SYNE2: variants seen among roughly 807,000 people sequenced by gnomAD.
SYNE2 encodes spectrin repeat containing nuclear envelope protein 2, also known as nesprin-2.
SYNE2 carries 431 observed loss-of-function variants against 856.3 expected under a neutral mutation model. The ratio of observed to expected loss-of-function variants is 0.50; its 90% CI spans 0.47 to 0.55. The LOEUF (loss-of-function observed/expected upper bound fraction) is 0.55. SYNE2 is among the 20% of genes least tolerant of loss of function. SYNE2 has a pLI of 0.00. For missense variants in SYNE2, 8,129 were observed against 8,023.2 expected (o/e 1.01, Z -0.50); for synonymous variants, 2,923 against 2,872.3 (o/e 1.02, Z -0.56).
intron 66 of SYNE2, among the ~76,000 whole-genome samples, chr14:64,116,428 C>CT (rs980420194): frequency 7.9e-5 from 12 of 151,370 alleles, no homozygotes; most frequent in South Asian, 2.1e-4. Context: ...AGTACCATTA[C>CT]TTTTTTTTTG....
At chr14:63,952,246 C>T (rs554817844) in intron 7 of SYNE2, among the ~76,000 whole-genome samples, 1 of 152,298 alleles carries the variant, frequency 6.6e-6, no homozygotes, top group Admixed American at 6.5e-5. Flanking sequence ...AGCTGACCTA[C>T]ACAGTATTAA....
At chr14:64,104,058 T>G (rs74915869) in intron 64 of SYNE2, among the ~76,000 whole-genome samples, 7 of 152,214 alleles carry the variant, frequency 4.6e-5, no homozygotes, top group African/African-American at 7.2e-5. Flanking sequence ...TATGGTACTT[T>G]AATGAACTGA....
intron 1 of SYNE2, among the ~76,000 whole-genome samples, chr14:63,868,286 G>A (rs1015413052): frequency 6.6e-6 from 1 of 151,934 alleles, no homozygotes; most frequent in East Asian, 1.9e-4. Context: ...CCAAGCCTGA[G>A]TAACATGGCA....
At chr14:64,144,674 A>T (rs1267490031) in intron 83 of SYNE2, among the ~76,000 whole-genome samples, 2 of 152,228 alleles carry the variant, frequency 1.3e-5, no homozygotes, top group Non-Finnish European at 2.9e-5. Context: ...ATTGCTGATA[A>T]TGGCTTAAGT....
intron 1 of SYNE2, among the ~76,000 whole-genome samples, chr14:63,887,690 T>C (rs534793781): frequency 6.6e-6 from 1 of 151,974 alleles, no homozygotes; most frequent in South Asian, 2.1e-4. Flanking sequence ...ATTTGAAATA[T>C]GCTTTAATAT....
chr14:63,941,417 A>T (rs2184292), intron 3 of SYNE2, among the ~76,000 whole-genome samples: 1 of 152,036 alleles, frequency 6.6e-6, no homozygotes, highest in African/African-American at 2.4e-5. Flanking sequence ...TGATTCTAAA[A>T]GTCTTTAATG....
In SYNE2 at chr14:63,809,048, G is replaced by A. The variant is rs116804914; in HGVS notation, c.-304-43453G>A. On this transcript the variant is annotated intron_variant, in intron 1 of 23. Transcript: ENST00000674003. ...CAAAAATGAACAAACAAACGAGAAA[G>A]TGGAGAGGCCCGGAGGTCACACTGA... is the stretch of plus-strand genomic sequence containing the variant. 4.6e-3 allele frequency among the ~76,000 whole-genome samples: 705 copies of A among 152,172 alleles called. 4 individuals carry two copies. Among genetic ancestry groups the A allele is most frequent in the African/African-American group, 0.016 (656 of 41,540 alleles).
At chr14:63,993,374 G>A (rs980551327) in intron 21 of SYNE2, among the ~76,000 whole-genome samples, 3 of 152,084 alleles carry the variant, frequency 2.0e-5, no homozygotes, top group Non-Finnish European at 1.5e-5. Context: ...GACAGATCGC[G>A]ATCCTATCTC....
intron 89 of SYNE2, among the ~76,000 whole-genome samples, chr14:64,164,780 G>A (rs1266455654): frequency 6.6e-6 from 1 of 152,106 alleles, no homozygotes; most frequent in Non-Finnish European, 1.5e-5. Context: ...AAAATCAGGG[G>A]GCTTCTGAAT....
chr14:63,769,393 G>A (rs963173915), intron 1 of SYNE2, among the ~76,000 whole-genome samples: 2 of 152,166 alleles, frequency 1.3e-5, no homozygotes, highest in African/African-American at 4.8e-5. Flanking sequence ...TGGAGACCAG[G>A]CACAGTGGCT....
chr14:64,205,888 CTAAT>C (rs1264915869), intron 100 of SYNE2, among the ~76,000 whole-genome samples: 2 of 152,052 alleles, frequency 1.3e-5, no homozygotes, highest in African/African-American at 2.4e-5. Context: ...CTTCCACTGG[CTAAT>C]TAATAGCCCC....
intron 1 of SYNE2, among the ~76,000 whole-genome samples, chr14:63,876,907 C>CCGTG (rs1170406083): frequency 3.9e-5 from 6 of 152,134 alleles, no homozygotes; most frequent in African/African-American, 1.4e-4. Flanking sequence ...AAACCACTGT[C>CCGTG]CGTGGATACT....
At chr14:64,210,512 C>A (rs372639155) in intron 103 of SYNE2, among the ~76,000 whole-genome samples, 2 of 152,206 alleles carry the variant, frequency 1.3e-5, no homozygotes, top group East Asian at 1.9e-4. Flanking sequence ...TGGGACCCCC[C>A]CCAGCTCTCG....
chr14:63,858,654 T>C (rs1892605303), intron 1 of SYNE2, among the ~76,000 whole-genome samples: 1 of 152,168 alleles, frequency 6.6e-6, no homozygotes, highest in East Asian at 1.9e-4. Flanking sequence ...AGAGCCCTTA[T>C]AACCTATCAC....
In SYNE2 at chr14:64,053,089, A is replaced by C. The variant is rs1163675864; in HGVS notation, c.9176A>C (p.Asp3059Ala). The C allele has an allele frequency of 6.8e-6, 11 of 1,613,968 alleles. No individual in the cohort carries two copies. The highest frequency in any genetic ancestry group is 8.5e-6 in the Non-Finnish European group (10 of 1,180,006). Residue 3059 changes from aspartate (D) to alanine (A), a missense_variant, in exon 48 of 116, where the codon GAT becomes GCT. Physicochemically the swap from Asp to Ala is moderately radical, Grantham distance 126. Around this residue, in one of 3 missense-constraint regions of SYNE2, gnomAD observed 5,410 missense variants for 5,284.8 expected, o/e 1.02. Transcript: ENST00000555002. ...QALLSKMRAI[D>A]LQIKKMTEVV... is the part of the protein sequence containing the mutation. ...TTATTAAGTAAAATGAGAGCTATTG[A>C]TTTGCAAATTAAGAAAATGACTGAA...
chr14:64,053,688 T>TAC (rs2097245252), intron 48 of SYNE2, 31 bp downstream of exon 48: 4 of 1,606,112 alleles, frequency 2.5e-6, no homozygotes, highest in Non-Finnish European at 3.4e-6. Context: ...AGTTAGTGGC[T>TAC]GGGTGCGGGG....
At chr14:64,197,677 C>T (rs1477954042) in intron 99 of SYNE2, among the ~76,000 whole-genome samples, 8 of 152,146 alleles carry the variant, frequency 5.3e-5, no homozygotes, top group Admixed American at 5.2e-4. Flanking sequence ...TAACTGTAGA[C>T]TCCTGAGCAC....
chr14:64,186,404 C>T lies in SYNE2; in HGVS notation c.17557-20C>T. The stretch of plus-strand genomic sequence containing the variant: ...GCTTGAGTTGAAGGCTTTTTACCCC[C>T]TTCTTGTGATTAAATGCAGGAACTA... On this transcript the variant is annotated intron_variant, in intron 96 of 115. Coordinates refer to ENST00000555002, the MANE Select transcript of SYNE2 (RefSeq NM_182914.3). 1 of 1,613,492 alleles carries T rather than the reference C, an allele frequency of 6.2e-7. No homozygotes were observed. Among genetic ancestry groups the T allele is most frequent in the South Asian group, 1.1e-5 (1 of 91,058 alleles).
intron 1 of SYNE2, among the ~76,000 whole-genome samples, chr14:63,829,743 C>T (rs1169815868): frequency 6.6e-6 from 1 of 152,064 alleles, no homozygotes; most frequent in Non-Finnish European, 1.5e-5. Context: ...CAGCCTGCCT[C>T]CCAAATAGCT....
Sources: allele counts gnomAD v4.1 joint callset (sites outside exome capture counted in the v4.1 genomes callset), GRCh38; gene constraint gnomAD v4.1.1; regional missense constraint gnomAD v4.1.1; transcripts MANE v1.5; gene names NCBI Gene and HGNC (gene_info 2026-07-23, HGNC 2026-07-21).